The following GALNT2 variants were observed in gnomAD, a reference collection of about 807,000 sequenced individuals.
The protein encoded by GALNT2 is UDP-GalNAc:polypeptide N-acetylgalactosaminyltransferase 2.
Under a neutral mutation model 81.4 loss-of-function variants are expected in GALNT2, and 31 were observed. That is an observed-to-expected ratio of 0.38 (90% CI 0.29 to 0.51). The LOEUF is 0.51. Ranked by LOEUF, GALNT2 falls within the 20% of genes least tolerant of loss-of-function variation. The pLI is 0.87. For missense variants in GALNT2, 629 were observed against 765.7 expected, an observed-to-expected ratio of 0.82 and a Z score of 2.11; for synonymous variants, 303 against 287.4, an observed-to-expected ratio of 1.05 and a Z score of -0.55.
intron 7 of GALNT2, among the ~76,000 whole-genome samples, chr1:230,244,902 G>T (rs1281572055): frequency 6.6e-6 from 1 of 151,558 alleles, no homozygotes; most frequent in African/African-American, 2.4e-5. Flanking sequence ...GATGTAGTAT[G>T]TTCTTAGCTC....
At chr1:230,069,893 C>T (rs749262547) in intron 1 of GALNT2, among the ~76,000 whole-genome samples, 10 of 152,188 alleles carry the variant, frequency 6.6e-5, no homozygotes, top group Non-Finnish European at 1.3e-4. Context: ...TTCTGCACAT[C>T]CTGACGTTTT....
chr1:230,107,999 A>C (rs905352819), intron 1 of GALNT2, among the ~76,000 whole-genome samples: 26 of 152,256 alleles, frequency 1.7e-4, no homozygotes, highest in African/African-American at 5.8e-4. Context: ...TGCATCATAA[A>C]ATGCTGTGAA....
chr1:230,239,124 T>G (rs1665120060), intron 6 of GALNT2, among the ~76,000 whole-genome samples: 1 of 152,208 alleles, frequency 6.6e-6, no homozygotes, highest in Admixed American at 6.5e-5. Flanking sequence ...TGATATTGTC[T>G]CTTTTTTTAC....
At chr1:230,140,154 C>T (rs1303185094) in intron 1 of GALNT2, among the ~76,000 whole-genome samples, 4 of 152,206 alleles carry the variant, frequency 2.6e-5, no homozygotes, top group Non-Finnish European at 5.9e-5. Context: ...CCTTGGGGGT[C>T]GGCTTTTTAA....
intron 13 of GALNT2, 47 bp downstream of exon 13, chr1:230,263,052 C>A: frequency 6.8e-7 from 1 of 1,472,918 alleles, no homozygotes; most frequent in Non-Finnish European, 9.5e-7. Context: ...GGCTTAGAAG[C>A]CAGTAAGGCC....
At chr1:230,116,714 T>A (rs1660860208) in intron 1 of GALNT2, among the ~76,000 whole-genome samples, 1 of 152,126 alleles carries the variant, frequency 6.6e-6, no homozygotes, top group Non-Finnish European at 1.5e-5. Flanking sequence ...GAGTATATAT[T>A]TTTTTTCCGA....
chr1:230,263,436 T>A (rs774044469), intron 13 of GALNT2: 13 of 174,764 alleles, frequency 7.4e-5, no homozygotes, highest in Non-Finnish European at 1.6e-4. Context: ...TCTGCTGCGC[T>A]CACCCTTGCT....
rs1666286575 is a variant in GALNT2 at position 230,275,795 on chromosome 1, ATG to A, written c.1560+1232_1560+1233del. ...ACCACAGATATATACATATATATAC[ATG>A]CCACATATATATACAAATATACATG... is the stretch of plus-strand genomic sequence containing the variant. On this transcript the variant is annotated intron_variant, in intron 15 of 15. Coordinates refer to ENST00000366672, the MANE Select transcript of GALNT2 (RefSeq NM_004481.5). This position sits in a 1 kb window ranked among gnomAD's most constrained non-coding sequence, Gnocchi z 5.5. Among the ~76,000 whole-genome samples, 1 of 151,486 alleles carries A rather than the reference ATG, an allele frequency of 6.6e-6. No homozygotes were observed. The highest frequency in any genetic ancestry group is 1.5e-5 in the Non-Finnish European group (1 of 67,812).
intron 1 of GALNT2, among the ~76,000 whole-genome samples, chr1:230,177,004 C>T (rs1360563426): frequency 1.3e-5 from 2 of 152,220 alleles, no homozygotes; most frequent in Admixed American, 1.3e-4. Flanking sequence ...ATAAACCCAG[C>T]TGTATCGCCT....
chr1:230,182,507 G>A (rs182589996), intron 2 of GALNT2, among the ~76,000 whole-genome samples: 5 of 152,264 alleles, frequency 3.3e-5, no homozygotes, highest in East Asian at 3.9e-4. Flanking sequence ...TTAGAAGTGC[G>A]TTGTTTAGTC....
intron 1 of GALNT2, among the ~76,000 whole-genome samples, chr1:230,068,486 G>C (rs1032230155): frequency 3.9e-5 from 6 of 152,168 alleles, no homozygotes; most frequent in Non-Finnish European, 5.9e-5. Flanking sequence ...TAGTGTCACC[G>C]CAAACCCAGA....
At chr1:230,215,827 T>A (rs6657338) in intron 3 of GALNT2, among the ~76,000 whole-genome samples, 14,418 of 152,234 alleles carry the variant, frequency 0.095, 1,487 homozygotes, top group African/African-American at 0.25. Flanking sequence ...ACTACATACA[T>A]TAATTACACA....
chr1:230,168,597 A>G (rs1200674936), intron 1 of GALNT2, among the ~76,000 whole-genome samples: 1 of 152,358 alleles, frequency 6.6e-6, no homozygotes, highest in South Asian at 2.1e-4. Flanking sequence ...CAGGAAATAC[A>G]TGATTGACGG....
At chr1:230,226,822 T>C (rs1572107765) in intron 3 of GALNT2, among the ~76,000 whole-genome samples, 1 of 152,306 alleles carries the variant, frequency 6.6e-6, no homozygotes, top group East Asian at 1.9e-4. Flanking sequence ...CATTTTTCCT[T>C]ATGTAGGGTA....
chr1:230,090,303 C>G lies in GALNT2; in HGVS notation c.126+22897C>G, dbSNP rs1345940938. Among the ~76,000 whole-genome samples the G allele has an allele frequency of 3.3e-5, 5 of 152,312 alleles. No homozygotes were observed. In the East Asian group the frequency reaches 9.6e-4, roughly 29 times the overall value. On this transcript the variant is annotated intron_variant, in intron 1 of 15. Transcript: ENST00000366672. ...AAGGACCTTGACATTTGTTGTCAAACTGCCTGTGAGTCACTTATCTTCTGG... is the reference window on the plus strand; with the variant it reads ...AAGGACCTTGACATTTGTTGTCAAAGTGCCTGTGAGTCACTTATCTTCTGG...
chr1:230,111,676 T>A (rs1296612578), intron 1 of GALNT2, among the ~76,000 whole-genome samples: 1 of 152,216 alleles, frequency 6.6e-6, no homozygotes, highest in Non-Finnish European at 1.5e-5. Flanking sequence ...ATTAGCTTGT[T>A]GCGTTAAATT....
chr1:230,236,411 A>G lies in GALNT2; in HGVS notation c.532A>G (p.Ser178Gly). The change falls in exon 5 of 16, where the codon AGC (serine) becomes GGC (glycine). Residue 178 changes from serine (S) to glycine (G), a missense_variant. Coordinates refer to ENST00000366672, the MANE Select transcript of GALNT2 (RefSeq NM_004481.5). ...IKEIILVDDY[S>G]NDPEDGALLG... ...AGAAATCATCTTGGTGGATGACTAC[A>G]GCAATGATCGTGAGTACTGACACTG... 4 of 1,614,124 alleles carry G rather than the reference A, an allele frequency of 2.5e-6. No homozygotes were observed. The highest frequency in any genetic ancestry group is 3.4e-6 in the Non-Finnish European group (4 of 1,179,958).
Position 230,179,732 on chromosome 1 carries a change from C to G in GALNT2, c.220+1421C>G, listed in dbSNP as rs149152227. ...GATATGGGTTTTGTAAATGTTTCTCCTAGTCTGTGGCCTGTCTTCTCATTG... is the reference window on the plus strand; with the variant it reads ...GATATGGGTTTTGTAAATGTTTCTCGTAGTCTGTGGCCTGTCTTCTCATTG... On this transcript the variant is annotated intron_variant, in intron 2 of 15. Coordinates refer to ENST00000366672, the MANE Select transcript of GALNT2 (RefSeq NM_004481.5). Among the ~76,000 whole-genome samples, 42 of 152,200 alleles carry G rather than the reference C, an allele frequency of 2.8e-4. No homozygotes were observed. The East Asian group carries it at 7.9e-3, about 29-fold the overall frequency.
chr1:230,118,044 T>C (rs1326959245), intron 1 of GALNT2, among the ~76,000 whole-genome samples: 3 of 152,236 alleles, frequency 2.0e-5, no homozygotes, highest in Non-Finnish European at 4.4e-5. Flanking sequence ...CTGATCTTTT[T>C]ACTGTCTCCA....
Sources: allele counts gnomAD v4.1 joint callset (sites outside exome capture counted in the v4.1 genomes callset), GRCh38; gene constraint gnomAD v4.1.1; non-coding constraint Gnocchi (gnomAD v3.1); transcripts MANE v1.5; gene names NCBI Gene and HGNC (gene_info 2026-07-23, HGNC 2026-07-21).